The following SAMMSON variants were observed in gnomAD, a reference collection of about 807,000 sequenced individuals.
SAMMSON encodes the protein survival associated mitochondrial melanoma specific oncogenic non-coding RNA.
intron 4 of SAMMSON, among the ~76,000 whole-genome samples, chr3:70,241,247 G>A (rs1470426113): frequency 1.3e-5 from 2 of 152,244 alleles, no homozygotes; most frequent in East Asian, 3.9e-4. Flanking sequence ...CTTTAGAGGT[G>A]TGTCTTTATA....
intron 4 of SAMMSON, among the ~76,000 whole-genome samples, chr3:70,157,342 T>C (rs2067596046): frequency 6.6e-6 from 1 of 152,110 alleles, no homozygotes; most frequent in African/African-American, 2.4e-5. Context: ...CGTAGCATGA[T>C]TCCATACCTT....
intron 2 of SAMMSON, among the ~76,000 whole-genome samples, chr3:70,417,183 C>T (rs1701270840): frequency 6.6e-6 from 1 of 152,274 alleles, no homozygotes; most frequent in South Asian, 2.1e-4. Context: ...TTTTACCCCT[C>T]AGAGTATTTT....
chr3:70,023,199 G>A (rs2067022663), intron 3 of SAMMSON, among the ~76,000 whole-genome samples: 1 of 152,068 alleles, frequency 6.6e-6, no homozygotes, highest in Non-Finnish European at 1.5e-5. Flanking sequence ...GCTCACGTCT[G>A]TAATCCCAGC....
chr3:70,155,402 T>C (rs559653030), intron 4 of SAMMSON, among the ~76,000 whole-genome samples: 84 of 152,160 alleles, frequency 5.5e-4, no homozygotes, highest in African/African-American at 1.9e-3. Context: ...TTCCTCTTCT[T>C]GTTGAGACAG....
intron 4 of SAMMSON, among the ~76,000 whole-genome samples, chr3:70,181,020 T>C (rs1317797220): frequency 1.3e-5 from 2 of 152,148 alleles, no homozygotes; most frequent in Non-Finnish European, 2.9e-5. Flanking sequence ...CGGGGTCAGA[T>C]CTTCCCGGCC....
chr3:70,317,159 C>A (rs1469776111), intron 7 of SAMMSON, among the ~76,000 whole-genome samples: 4 of 151,352 alleles, frequency 2.6e-5, no homozygotes, highest in Non-Finnish European at 5.9e-5. Flanking sequence ...ATATATTTCA[C>A]ATCTACACAT....
At chr3:70,366,821 T>A (rs1257460331) in intron 9 of SAMMSON, among the ~76,000 whole-genome samples, 1 of 151,752 alleles carries the variant, frequency 6.6e-6, no homozygotes, top group Middle Eastern at 3.2e-3. Flanking sequence ...GTTGCTCCAT[T>A]TCCTTTTCAG....
chr3:70,158,992 CAT>C (rs1485773545), intron 4 of SAMMSON, among the ~76,000 whole-genome samples: 4 of 151,886 alleles, frequency 2.6e-5, no homozygotes, highest in Admixed American at 2.6e-4. Context: ...CTTTTCATGA[CAT>C]GTTTATATTT....
intron 4 of SAMMSON, among the ~76,000 whole-genome samples, chr3:70,191,605 G>A (rs1701131727): frequency 6.6e-6 from 1 of 152,168 alleles, no homozygotes. Context: ...TTTTGAAGAT[G>A]TTCCAAATTC....
chr3:70,061,928 C>G (rs1343143865), intron 3 of SAMMSON, among the ~76,000 whole-genome samples: 8 of 152,068 alleles, frequency 5.3e-5, no homozygotes, highest in Non-Finnish European at 1.0e-4. Context: ...ATAAATGATT[C>G]TATGTGTAAA....
At chr3:70,000,253 C>T (rs1309045377) in intron 1 of SAMMSON, among the ~76,000 whole-genome samples, 1 of 152,176 alleles carries the variant, frequency 6.6e-6, no homozygotes, top group Admixed American at 6.5e-5. Context: ...CCACAGCCTG[C>T]CTGTCTGTAT....
At chr3:70,227,032 C>T (rs576328120) in intron 4 of SAMMSON, among the ~76,000 whole-genome samples, 2 of 152,144 alleles carry the variant, frequency 1.3e-5, no homozygotes, top group African/African-American at 4.8e-5. Context: ...CATCTTTTTC[C>T]TGGGAAAATA....
chr3:70,280,835 C>G (rs992143464), intron 6 of SAMMSON, among the ~76,000 whole-genome samples: 1 of 152,124 alleles, frequency 6.6e-6, no homozygotes, highest in African/African-American at 2.4e-5. Flanking sequence ...AGAGACGGTA[C>G]TGCCCCACAC....
At chr3:70,405,035 G>C (rs544202151) in intron 2 of SAMMSON, among the ~76,000 whole-genome samples, 2 of 152,260 alleles carry the variant, frequency 1.3e-5, no homozygotes, top group South Asian at 4.1e-4. Flanking sequence ...AAAAACATCA[G>C]TGAAAGAAGA....
intron 4 of SAMMSON, among the ~76,000 whole-genome samples, chr3:70,153,515 A>C (rs780375555): frequency 2.6e-5 from 4 of 152,028 alleles, no homozygotes; most frequent in Non-Finnish European, 4.4e-5. Context: ...ATTTAAAAAA[A>C]AAATTATTGA....
At chr3:70,284,555 T>C (rs974031138) in intron 6 of SAMMSON, among the ~76,000 whole-genome samples, 12 of 152,152 alleles carry the variant, frequency 7.9e-5, no homozygotes, top group Non-Finnish European at 1.3e-4. Flanking sequence ...CACCACGGAA[T>C]ACTATGCAGC....
chr3:70,212,835 T>G (rs780765675), intron 4 of SAMMSON, among the ~76,000 whole-genome samples: 1 of 152,074 alleles, frequency 6.6e-6, no homozygotes, highest in Non-Finnish European at 1.5e-5. Context: ...TCACCCAGGC[T>G]GGAGTGCAGT....
intron 4 of SAMMSON, among the ~76,000 whole-genome samples, chr3:70,244,411 T>A (rs1322239303): frequency 6.6e-6 from 1 of 152,180 alleles, no homozygotes; most frequent in African/African-American, 2.4e-5. Context: ...GCATTCTATT[T>A]GCTACTGAAA....
intron 7 of SAMMSON, among the ~76,000 whole-genome samples, chr3:70,329,352 T>C (rs1702603671): frequency 6.6e-6 from 1 of 152,126 alleles, no homozygotes; most frequent in South Asian, 2.1e-4. Context: ...CAAAGCTCTT[T>C]TGCTGCTGTT....
Sources: allele counts gnomAD v4.1 joint callset (sites outside exome capture counted in the v4.1 genomes callset), GRCh38; gene constraint gnomAD v4.1.1; transcripts MANE v1.5; gene names NCBI Gene and HGNC (gene_info 2026-07-23, HGNC 2026-07-21).